ALDH16A1: variants seen among roughly 807,000 people sequenced by gnomAD.
ALDH16A1 encodes the protein aldehyde dehydrogenase 16 family member A1, also known as aldehyde dehydrogenase family 16 member A1.
ALDH16A1 carries 88 observed loss-of-function variants against 96.1 expected under a neutral mutation model. The ratio of observed to expected loss-of-function variants is 0.92; its 90% CI spans 0.77 to 1.09. The LOEUF (loss-of-function observed/expected upper bound fraction) is 1.09. ALDH16A1 is among the 50% of genes least tolerant of loss of function. ALDH16A1 has a pLI of 0.00. For missense variants in ALDH16A1, 1,250 were observed against 1,112.6 expected, an observed-to-expected ratio of 1.12 and a Z score of -1.76; for synonymous variants, 522 against 496.4, an observed-to-expected ratio of 1.05 and a Z score of -0.69.
intron 4 of ALDH16A1, 90 bp from the exon 5 acceptor site, chr19:49,460,732 T>TGA: frequency 1.2e-6 from 1 of 848,802 alleles, no homozygotes; most frequent in Non-Finnish European, 1.8e-6. Context: ...TTTTTTTTCC[T>TGA]AATGTAGCCA....
chr19:49,464,000 C>T, intron 9 of ALDH16A1, 51 bp downstream of exon 9: 1 of 1,582,100 alleles, frequency 6.3e-7, no homozygotes, highest in Non-Finnish European at 8.6e-7. Flanking sequence ...CCAAGGGCAG[C>T]AGCTCTGTGC....
chr19:49,454,370 C>T (rs1257894995), intron 1 of ALDH16A1, among the ~76,000 whole-genome samples: 1 of 152,104 alleles, frequency 6.6e-6, no homozygotes, highest in Non-Finnish European at 1.5e-5. Context: ...AATACCCTCA[C>T]GGGGCTCCTA....
chr19:49,464,012 T>TC (rs1319509721), intron 9 of ALDH16A1, 63 bp downstream of exon 9: 1 of 1,579,078 alleles, frequency 6.3e-7, no homozygotes, highest in African/African-American at 1.3e-5. Flanking sequence ...GCTCTGTGCC[T>TC]GGGGAAGCCC....
At chr19:49,466,330 G>T in intron 14 of ALDH16A1, 47 bp downstream of exon 14, 1 of 1,419,070 alleles carries the variant, frequency 7.0e-7, no homozygotes, top group Non-Finnish European at 9.2e-7. Flanking sequence ...GCGGGGTGGG[G>T]CTCAGACCAG....
At chr19:49,465,617 C>T in intron 12 of ALDH16A1, 121 bp from the exon 13 acceptor site, 1 of 1,229,658 alleles carries the variant, frequency 8.1e-7, no homozygotes, top group Non-Finnish European at 1.1e-6. Flanking sequence ...CTCATGGGAA[C>T]AGGGGTTTGG....
chr19:49,454,024 T>TGTTTTTG (rs5828399), intron 1 of ALDH16A1, among the ~76,000 whole-genome samples: 18 of 114,046 alleles, frequency 1.6e-4, no homozygotes, highest in Non-Finnish European at 3.1e-4. Flanking sequence ...GGTTGGGTTT[T>TGTTTTTG]TTTTTTGTTT....
rs1012286326 is a variant in ALDH16A1, at chr19:49,468,044, C to G, written c.1939-337C>G. ...GCATGGTGGCAGGTGCCTGTAGTCTCAGCTACTCAGGAGACTGAGGCAGGA... is the reference window on the plus strand; with the variant it reads ...GCATGGTGGCAGGTGCCTGTAGTCTGAGCTACTCAGGAGACTGAGGCAGGA... On this transcript the variant is annotated intron_variant, in intron 14 of 16. Transcript: ENST00000293350. This position sits in a 1 kb window ranked among gnomAD's most constrained non-coding sequence, Gnocchi z 4.4. Among the ~76,000 whole-genome samples, 2 of 151,058 alleles carry G rather than the reference C, an allele frequency of 1.3e-5. No individual in the cohort carries two copies. The highest frequency in any genetic ancestry group is 4.9e-5 in the African/African-American group (2 of 41,020).
intron 16 of ALDH16A1, 86 bp from the exon 17 acceptor site, chr19:49,470,220 G>T: frequency 2.6e-6 from 4 of 1,517,546 alleles, no homozygotes; most frequent in Non-Finnish European, 3.6e-6. Context: ...GAAGCCCCTC[G>T]TCAGTAACAG....
intron 16 of ALDH16A1, 51 bp downstream of exon 16, chr19:49,469,037 C>T: frequency 1.3e-6 from 2 of 1,568,786 alleles, no homozygotes; most frequent in South Asian, 2.3e-5. Context: ...TTCAAACAGG[C>T]TCCTCCTTTT....
rs745943152 is a variant in ALDH16A1 at position 49,470,438 on chromosome 19, A to G, written c.2380A>G (p.Lys794Glu). The G allele has an allele frequency of 6.2e-7, 1 of 1,603,270 alleles. No individual in the cohort carries two copies. The highest frequency in any genetic ancestry group is 8.5e-7 in the Non-Finnish European group (1 of 1,175,628). Reference protein sequence around the residue: ...PELGLRVARTKALWLPMGD With the variant: ...PELGLRVARTEALWLPMGD Reference sequence around the variant, plus strand: ...GCTGGGGCTGCGAGTGGCGCGGACCAAGGCCCTGTGGCTGCCTATGGGGGA... The same window carrying G: ...GCTGGGGCTGCGAGTGGCGCGGACCGAGGCCCTGTGGCTGCCTATGGGGGA... Residue 794 changes from lysine to glutamate, a missense_variant, in exon 17 of 17, where the codon AAG (lysine) becomes GAG (glutamate). By Grantham distance (56) the Lys-to-Glu change is moderately conservative. Transcript: ENST00000293350.
chr19:49,466,677 G>A (rs58847858), intron 14 of ALDH16A1, among the ~76,000 whole-genome samples: 46,831 of 149,318 alleles, frequency 0.31, 8,113 homozygotes, highest in South Asian at 0.48. Flanking sequence ...TGGGCAACAC[G>A]GTGAAACCTG....
chr19:49,469,188 C>T, intron 16 of ALDH16A1: 1 of 685,870 alleles, frequency 1.5e-6, no homozygotes, highest in African/African-American at 1.8e-5. Flanking sequence ...TGAGAGCTGC[C>T]TAGCCCAAAG....
In ALDH16A1 at chr19:49,458,369, A is replaced by C; in HGVS notation, c.91-117A>C. The C allele has an allele frequency of 5.4e-6, 4 of 745,518 alleles. No homozygotes were observed. In the East Asian group the frequency reaches 8.1e-5, roughly 15 times the overall value. 46.2% of individuals were successfully genotyped at this position (745,518 alleles called of 1,614,324 possible). On this transcript the variant is annotated intron_variant, in intron 1 of 16. Transcript: ENST00000293350. ...TTTTTTTTAAAGCAATAGGAGGAAA[A>C]GAATTAGCTGATGGGGCAGAGGGAG...
rs191734605 is a variant in ALDH16A1, at chr19:49,461,218, G to A, written c.577+319G>A. 6.2e-3 allele frequency among the ~76,000 whole-genome samples: 303 copies of A among 49,128 alleles called. 55 individuals are homozygous for A. Among genetic ancestry groups the A allele is most frequent in the African/African-American group, 0.024 (269 of 11,204 alleles). The allele number at this position is 49,128 out of a possible 152,430, so 32.2% of individuals were successfully genotyped here. A position where few individuals can be genotyped will look rare whatever the true frequency, so the allele number is the denominator to read the frequency against. On this transcript the variant is annotated intron_variant, in intron 5 of 16. Coordinates refer to ENST00000293350, the MANE Select transcript of ALDH16A1 (RefSeq NM_153329.4). ...CTGGGTCTGAGGGAGGAGGGGCTGG[G>A]GTCTGGACTCCTGGGTGTGAGGGAG...
intron 12 of ALDH16A1, 57 bp downstream of exon 12, chr19:49,464,819 C>G: frequency 6.2e-7 from 1 of 1,606,478 alleles, no homozygotes; most frequent in South Asian, 1.1e-5. Context: ...GGAATTGATG[C>G]CTGTTTCCCC....
At chr19:49,454,917 G>A (rs776421283) in intron 1 of ALDH16A1, among the ~76,000 whole-genome samples, 10 of 152,080 alleles carry the variant, frequency 6.6e-5, no homozygotes, top group African/African-American at 1.9e-4. Flanking sequence ...TCAGGAGTTC[G>A]AGACCAGCCT....
Position 49,468,801 on chromosome 19 carries a change from G to T in ALDH16A1, c.2125-63G>T. The T allele has an allele frequency of 6.4e-7, 1 of 1,567,426 alleles. No homozygotes were observed. The highest frequency in any genetic ancestry group is 1.8e-5 in the Admixed American group (1 of 56,858). ...CCCTTCCCTCCCATGGGCACCCCCTGAATGCCCACTCCTTGCCCTGCCCCC... is the reference window on the plus strand; with the variant it reads ...CCCTTCCCTCCCATGGGCACCCCCTTAATGCCCACTCCTTGCCCTGCCCCC... On this transcript the variant is annotated intron_variant, in intron 15 of 16. Coordinates refer to ENST00000293350, the MANE Select transcript of ALDH16A1 (RefSeq NM_153329.4). This position sits in a 1 kb window ranked among gnomAD's most constrained non-coding sequence, Gnocchi z 4.4.
Position 49,462,593 on chromosome 19 carries a change from G to C in ALDH16A1, c.936G>C (p.Gln312His), listed in dbSNP as rs1176810556. 2.5e-6 allele frequency: 4 copies of C among 1,613,106 alleles called. No homozygotes were observed. The South Asian group carries it at 4.4e-5, about 18-fold the overall frequency. The change falls in exon 8 of 17, where the codon CAG becomes CAC. Residue 312 changes from glutamine to histidine, a missense_variant. Physicochemically the swap from Gln to His is conservative, Grantham distance 24. Transcript: ENST00000293350. ...AGGGTGGCCTCAGGCTCCTCATCCA[G>C]GAGTCTGTGTGGGATGAAGCCATGA... The part of the protein sequence containing the change: ...RGPGGLRLLI[Q>H]ESVWDEAMRR...
Position 49,459,843 on chromosome 19 carries a change from C to G in ALDH16A1, c.494C>G (p.Pro165Arg). The G allele has an allele frequency of 6.2e-7, 1 of 1,613,182 alleles. No individual in the cohort carries two copies. The highest frequency in any genetic ancestry group is 8.5e-7 in the Non-Finnish European group (1 of 1,179,774). The change falls in exon 4 of 17, where the codon CCC becomes CGC. Residue 165 changes from proline to arginine, a missense_variant. Transcript: ENST00000293350. The surrounding 1 kb of genome is among the most constrained non-coding windows in gnomAD (Gnocchi z 4.1). The part of the protein sequence containing the change: ...TQEEALAGWE[P>R]MGVIGLILPP... ...GAGGAGGCACTGGCAGGCTGGGAGC[C>G]CATGGGTGAGACCCTGGAGTCCCTA...
Sources: gnomAD v4.1 joint callset for allele counts (sites outside exome capture counted in the v4.1 genomes callset) on GRCh38, gnomAD v4.1.1 for gene constraint, Gnocchi (gnomAD v3.1) non-coding constraint, MANE v1.5 for transcripts, NCBI Gene and HGNC (gene_info 2026-07-23, HGNC 2026-07-21) for gene names.